Variants in OOSP1 observed in about 807,000 individuals in gnomAD.
OOSP1 encodes oocyte secreted protein 1.
A neutral mutation model predicts 5.7 loss-of-function variants in OOSP1; 11 were observed. The ratio of observed to expected loss-of-function variants is 1.94; its 90% CI spans 1.22 to 3.20. The LOEUF (loss-of-function observed/expected upper bound fraction) is 3.20, where lower values mean the gene tolerates loss of function less well. Ranked by LOEUF, OOSP1 falls within the 30% of genes most tolerant of loss-of-function variation. The pLI is 0.00. For synonymous variants in OOSP1, 44 were observed against 20.0 expected (o/e 2.20, Z -3.20); for missense variants, 83 against 54.1 (o/e 1.53, Z -1.67).
intron 1 of OOSP1, among the ~76,000 whole-genome samples, chr11:59,942,348 C>T (rs1309276151): frequency 6.6e-6 from 1 of 152,126 alleles, no homozygotes; most frequent in Non-Finnish European, 1.5e-5. Flanking sequence ...TGTTTTTACT[C>T]AATTTCTATA....
chr11:59,952,161 T>G (rs1465473910), intron 4 of OOSP1, among the ~76,000 whole-genome samples: 1 of 152,194 alleles, frequency 6.6e-6, no homozygotes, highest in Non-Finnish European at 1.5e-5. Context: ...TTATTTATTA[T>G]AAAGTTATTT....
At chr11:59,939,911 TA>T (rs1012738664) in intron 1 of OOSP1, among the ~76,000 whole-genome samples, 7 of 151,860 alleles carry the variant, frequency 4.6e-5, no homozygotes, top group East Asian at 1.9e-4. Flanking sequence ...AACTGCTAAT[TA>T]AAAAAAAATT....
chr11:59,948,714 T>G (rs1276987672), intron 4 of OOSP1: 1 of 397,968 alleles, frequency 2.5e-6, no homozygotes, highest in Non-Finnish European at 4.4e-6. Context: ...AGAATCTGAC[T>G]GCTACACTCC....
intron 4 of OOSP1, among the ~76,000 whole-genome samples, chr11:59,955,141 A>G (rs528164046): frequency 1.2e-4 from 19 of 152,294 alleles, no homozygotes; most frequent in Admixed American, 1.0e-3. Flanking sequence ...TTACATTAGA[A>G]TGAGATAAAA....
exon 3 of OOSP1, chr11:59,945,254 G>T: frequency 1.4e-6 from 1 of 702,994 alleles, no homozygotes; most frequent in South Asian, 1.5e-5. Context: ...CCTCTGTCGT[G>T]TGTCGTCCAC....
intron 4 of OOSP1, among the ~76,000 whole-genome samples, chr11:59,956,432 G>A (rs1164887543): frequency 6.6e-6 from 1 of 152,008 alleles, no homozygotes; most frequent in African/African-American, 2.4e-5. Context: ...GCCCTATTTT[G>A]TTGTATATCC....
chr11:59,942,869 G>A, exon 2 of OOSP1: 2 of 702,758 alleles, frequency 2.8e-6, no homozygotes, highest in Non-Finnish European at 5.2e-6. Context: ...ACTGCACCCA[G>A]TTTTGGTTCT....
intron 4 of OOSP1, among the ~76,000 whole-genome samples, chr11:59,956,244 G>C (rs1468496808): frequency 6.7e-6 from 1 of 149,262 alleles, no homozygotes; most frequent in Non-Finnish European, 1.5e-5. Context: ...AAATGTATTA[G>C]TTCAAGGTGG....
At chr11:59,938,592 A>G in intron 1 of OOSP1, 62 bp downstream of exon 1, 1 of 456,094 alleles carries the variant, frequency 2.2e-6, no homozygotes, top group Non-Finnish European at 3.9e-6. Flanking sequence ...GTGGCTTTGG[A>G]TTCTTTACAG....
intron 2 of OOSP1, among the ~76,000 whole-genome samples, chr11:59,944,273 C>T (rs376448513): frequency 3.4e-5 from 5 of 147,290 alleles, no homozygotes; most frequent in African/African-American, 1.3e-4. Flanking sequence ...GGTCAACAAG[C>T]CCTTAGGGGA....
At chr11:59,939,957 C>G (rs147381604) in intron 1 of OOSP1, among the ~76,000 whole-genome samples, 212 of 152,288 alleles carry the variant, frequency 1.4e-3, no homozygotes, top group African/African-American at 4.9e-3. Flanking sequence ...CCAGGCTAGT[C>G]TCCAACTCTT....
chr11:59,947,870 C>A lies in OOSP1; in HGVS notation c.486+8C>A, dbSNP rs1853901968. ...TTCTGCAACACAATCTTGGTAAGAACCCTTCAAAACTGGCATCTTATGATT... is the reference window on the plus strand; with the variant it reads ...TTCTGCAACACAATCTTGGTAAGAAACCTTCAAAACTGGCATCTTATGATT... On this transcript the variant is annotated splice_region_variant and intron_variant, in intron 4 of 4. Coordinates refer to ENST00000646685, the Ensembl canonical transcript of OOSP1. 1 of 398,588 alleles carries A rather than the reference C, an allele frequency of 2.5e-6. No individual in the cohort carries two copies. Among genetic ancestry groups the A allele is most frequent in the Non-Finnish European group, 4.4e-6 (1 of 225,854 alleles). 24.7% of individuals were successfully genotyped at this position (398,588 alleles called of 1,614,324 possible).
At chr11:59,943,011 T>C (rs974655941) in exon 2 of OOSP1, 2 of 702,862 alleles carry the variant, frequency 2.8e-6, no homozygotes, top group Non-Finnish European at 5.2e-6. Context: ...TCCTCATGAC[T>C]GTGGTATTGT....
At chr11:59,954,381 T>C (rs755146900) in intron 4 of OOSP1, among the ~76,000 whole-genome samples, 5 of 151,976 alleles carry the variant, frequency 3.3e-5, no homozygotes, top group Non-Finnish European at 7.4e-5. Context: ...ATAAATTTTT[T>C]TTTTTACCAA....
intron 3 of OOSP1, among the ~76,000 whole-genome samples, chr11:59,946,176 T>C (rs921635553): frequency 6.6e-6 from 1 of 152,190 alleles, no homozygotes; most frequent in African/African-American, 2.4e-5. Context: ...AGTAGTGGCA[T>C]TGGATTCTCA....
rs189623763 is a variant in OOSP1, at chr11:59,946,708, T to C, written c.357-1025T>C. Among the ~76,000 whole-genome samples the C allele has an allele frequency of 7.2e-5, 11 of 152,198 alleles. No homozygotes were observed. The East Asian group carries it at 1.7e-3, about 24-fold the overall frequency. Reference sequence around the variant, plus strand: ...TTTCCTGAAGGCAATAGAGAAAGCATAATGAAGTCTAAAAGACACTGAACT... The same window carrying C: ...TTTCCTGAAGGCAATAGAGAAAGCACAATGAAGTCTAAAAGACACTGAACT... On this transcript the variant is annotated intron_variant, in intron 3 of 4. Transcript: ENST00000646685.
At chr11:59,942,336 A>C (rs896456402) in intron 1 of OOSP1, among the ~76,000 whole-genome samples, 11 of 152,148 alleles carry the variant, frequency 7.2e-5, no homozygotes, top group Admixed American at 3.9e-4. Context: ...AAAGGATAGC[A>C]CTGTTTTTAC....
rs912968201 is a variant in OOSP1, at chr11:59,947,987, C to T, written c.486+125C>T. 55 of 394,532 alleles carry T rather than the reference C, an allele frequency of 1.4e-4. No homozygotes were observed. In the East Asian group the frequency reaches 1.4e-3, roughly 10 times the overall value. 24.4% of individuals were successfully genotyped at this position (394,532 alleles called of 1,614,324 possible). A position where few individuals can be genotyped will look rare whatever the true frequency, so the allele number is the denominator to read the frequency against. ...AGGTGCATTGTGCCTAAAATGTTTC[C>T]GGTTCAAGAATGCAAATTCATGATT... is the stretch of plus-strand genomic sequence containing the variant. On this transcript the variant is annotated intron_variant, in intron 4 of 4. Transcript: ENST00000646685.
chr11:59,955,387 C>T (rs577458387), intron 4 of OOSP1, among the ~76,000 whole-genome samples: 48 of 151,752 alleles, frequency 3.2e-4, no homozygotes, highest in African/African-American at 9.9e-4. Flanking sequence ...GGCATTGTCT[C>T]GTTTCATAGG....
Sources: allele counts gnomAD v4.1 joint callset (sites outside exome capture counted in the v4.1 genomes callset), GRCh38; gene constraint gnomAD v4.1.1; transcripts MANE v1.5; gene names NCBI Gene and HGNC (gene_info 2026-07-23, HGNC 2026-07-21).